MIPOL1: variants seen among roughly 807,000 people sequenced by gnomAD.
MIPOL1 encodes mirror-image polydactyly 1.
MIPOL1 carries 57 observed loss-of-function variants against 60.9 expected under a neutral mutation model. That is an observed-to-expected ratio of 0.94 (90% confidence interval 0.76 to 1.17). The LOEUF (loss-of-function observed/expected upper bound fraction) is 1.17. MIPOL1 is among the 50% of genes most tolerant of loss of function. The probability of loss-of-function intolerance (pLI) is 0.00; values close to 1 mark genes in which losing one functional copy is unlikely to be tolerated. For missense variants in MIPOL1, 551 were observed against 511.6 expected, an observed-to-expected ratio of 1.08 and a Z score of -0.74; for synonymous variants, 179 against 168.8, an observed-to-expected ratio of 1.06 and a Z score of -0.47.
At chr14:37,240,147 A>G (rs926255815) in intron 1 of MIPOL1, among the ~76,000 whole-genome samples, 3 of 152,038 alleles carry the variant, frequency 2.0e-5, no homozygotes, top group Non-Finnish European at 4.4e-5. Flanking sequence ...TGTTATTAGG[A>G]TATATTTATT....
intron 12 of MIPOL1, among the ~76,000 whole-genome samples, chr14:37,535,947 C>T (rs529479251): frequency 2.6e-5 from 4 of 152,082 alleles, no homozygotes; most frequent in East Asian, 1.9e-4. Context: ...GTTACCCAGG[C>T]TGGAGTGCAG....
chr14:37,265,448 C>G (rs984637968), intron 3 of MIPOL1, among the ~76,000 whole-genome samples: 5 of 152,094 alleles, frequency 3.3e-5, no homozygotes, highest in African/African-American at 1.2e-4. Context: ...TTCCCAGTAG[C>G]TACCACAAGA....
intron 7 of MIPOL1, among the ~76,000 whole-genome samples, chr14:37,305,907 G>A (rs1240991468): frequency 6.6e-6 from 1 of 151,782 alleles, no homozygotes; most frequent in Non-Finnish European, 1.5e-5. Context: ...ACCTAGCACA[G>A]CAGCCTTACC....
chr14:37,327,169 A>G (rs1260551693), intron 9 of MIPOL1, among the ~76,000 whole-genome samples: 1 of 152,248 alleles, frequency 6.6e-6, no homozygotes, highest in Non-Finnish European at 1.5e-5. Context: ...AGGAGATAGA[A>G]GGTTGGATTT....
intron 11 of MIPOL1, among the ~76,000 whole-genome samples, chr14:37,433,398 G>A (rs1162742051): frequency 6.6e-6 from 1 of 151,998 alleles, no homozygotes; most frequent in Non-Finnish European, 1.5e-5. Context: ...AGGCCCCGGT[G>A]TGTGATGGTC....
chr14:37,461,235 A>G (rs977241165), intron 11 of MIPOL1, among the ~76,000 whole-genome samples: 8 of 152,220 alleles, frequency 5.3e-5, no homozygotes, highest in African/African-American at 1.7e-4. Context: ...ACAGTTCCAC[A>G]TGGCTGGGGA....
intron 12 of MIPOL1, among the ~76,000 whole-genome samples, chr14:37,543,666 A>G (rs1312072414): frequency 6.6e-6 from 1 of 152,210 alleles, no homozygotes; most frequent in Non-Finnish European, 1.5e-5. Context: ...CAGTAAGTAC[A>G]TTCACACCAT....
chr14:37,472,790 G>A (rs2153591002), intron 11 of MIPOL1, among the ~76,000 whole-genome samples: 1 of 152,170 alleles, frequency 6.6e-6, no homozygotes, highest in South Asian at 2.1e-4. Flanking sequence ...TCAAATACTT[G>A]AAGAGATTTA....
intron 11 of MIPOL1, among the ~76,000 whole-genome samples, chr14:37,478,675 C>G (rs1012039110): frequency 6.6e-6 from 1 of 151,784 alleles, no homozygotes; most frequent in African/African-American, 2.4e-5. Flanking sequence ...AAGAGACTAA[C>G]TTTACTTTTA....
intron 11 of MIPOL1, among the ~76,000 whole-genome samples, chr14:37,481,612 C>CAA (rs1555356178): frequency 5.1e-4 from 71 of 138,376 alleles, no homozygotes; most frequent in African/African-American, 1.8e-3. Context: ...CACACACACA[C>CAA]CGAAACCACA....
At chr14:37,317,936 A>G (rs6571804) in intron 9 of MIPOL1, among the ~76,000 whole-genome samples, 143,566 of 152,244 alleles carry the variant, frequency 0.94, 68,074 homozygotes, top group East Asian at 1. Context: ...CTTGCAAACA[A>G]TTTCCTCCTT....
intron 6 of MIPOL1, among the ~76,000 whole-genome samples, chr14:37,273,571 C>T (rs1176581760): frequency 2.0e-5 from 3 of 150,876 alleles, no homozygotes; most frequent in South Asian, 2.1e-4. Flanking sequence ...ATATATTAGT[C>T]CATCTTGTCT....
chr14:37,254,365 T>C (rs985953436), intron 3 of MIPOL1, among the ~76,000 whole-genome samples: 3 of 151,862 alleles, frequency 2.0e-5, no homozygotes, highest in Non-Finnish European at 3.0e-5. Context: ...TGACATTTGT[T>C]GTGAACCCTT....
chr14:37,203,230 C>T (rs992462080), intron 1 of MIPOL1, among the ~76,000 whole-genome samples: 1 of 152,146 alleles, frequency 6.6e-6, no homozygotes, highest in Non-Finnish European at 1.5e-5. Flanking sequence ...GTGGAAAGAG[C>T]ACTGGGCATA....
chr14:37,504,749 T>C (rs1277851662), intron 12 of MIPOL1: 2 of 151,946 alleles, frequency 1.3e-5, no homozygotes, highest in African/African-American at 2.4e-5. Context: ...AAGAAATAAC[T>C]AAGATCAGAG....
intron 12 of MIPOL1, among the ~76,000 whole-genome samples, chr14:37,508,633 T>C (rs1372463550): frequency 6.6e-6 from 1 of 152,192 alleles, no homozygotes; most frequent in Non-Finnish European, 1.5e-5. Flanking sequence ...ATAATGCTTC[T>C]ATCTCATAAC....
intron 10 of MIPOL1, among the ~76,000 whole-genome samples, chr14:37,377,970 A>G (rs1360519446): frequency 6.6e-6 from 1 of 152,000 alleles, no homozygotes; most frequent in African/African-American, 2.4e-5. Context: ...AAAAATTTAC[A>G]AGTTTATTAA....
intron 11 of MIPOL1, among the ~76,000 whole-genome samples, chr14:37,450,708 T>C: frequency 6.6e-6 from 1 of 152,124 alleles, no homozygotes; most frequent in East Asian, 1.9e-4. Flanking sequence ...CCTTGATGTC[T>C]CTCTTTCTGG....
At chr14:37,248,090 G>A (rs7150986) in intron 3 of MIPOL1, among the ~76,000 whole-genome samples, 183 bp downstream of exon 3, 5,922 of 151,370 alleles carry the variant, frequency 0.039, 258 homozygotes, top group African/African-American at 0.1. Flanking sequence ...GACACACAGA[G>A]AAAAGAGACA....
Sources: allele counts gnomAD v4.1 joint callset (sites outside exome capture counted in the v4.1 genomes callset), GRCh38; gene constraint gnomAD v4.1.1; transcripts MANE v1.5; gene names NCBI Gene and HGNC (gene_info 2026-07-23, HGNC 2026-07-21).